HEXIM2: variants seen among roughly 807,000 people sequenced by gnomAD.
HEXIM2 encodes protein HEXIM2.
For synonymous variants in HEXIM2, 159 were observed against 162.7 expected (o/e 0.98, Z 0.17); for missense variants, 413 against 390.8 (o/e 1.06, Z -0.48).
upstream of HEXIM2, among the ~76,000 whole-genome samples, chr17:45,160,273 T>C (rs2042652996): frequency 6.6e-6 from 1 of 152,194 alleles, no homozygotes; most frequent in African/African-American, 2.4e-5. Context: ...ATGAAGTAGA[T>C]AAAAACTGGT....
At chr17:45,162,137 G>A (rs1164173253) in intron 1 of HEXIM2, 106 bp downstream of exon 1, 1 of 449,078 alleles carries the variant, frequency 2.2e-6, no homozygotes, top group Non-Finnish European at 2.9e-6. Flanking sequence ...GTAGTGCAAA[G>A]ACCTCTTTCC....
At position 45,162,469 on chromosome 17, in the gene HEXIM2, G is replaced by A. The variant is rs2042725443; in HGVS notation, c.-192-19G>A. The A allele has an allele frequency of 1.8e-6, 2 of 1,103,964 alleles. No homozygotes were observed. The highest frequency in any genetic ancestry group is 1.6e-5 in the African/African-American group (1 of 61,214). The allele number at this position is 1,103,964 out of a possible 1,614,324, so 68.4% of individuals were successfully genotyped here. A position where few individuals can be genotyped will look rare whatever the true frequency, so the allele number is the denominator to read the frequency against. ...CACCTGGCTTCCTGGCTGCCAACCT[G>A]GGCCTCGGTGACTTCCAGGAGGACA... On this transcript the variant is annotated intron_variant, in intron 1 of 3. Coordinates refer to ENST00000589230, the MANE Select transcript of HEXIM2 (RefSeq NM_001303441.2).
intron 3 of HEXIM2, among the ~76,000 whole-genome samples, chr17:45,167,024 C>CAAAAA (rs58258565): frequency 0.27 from 18,106 of 67,396 alleles, 2,537 homozygotes; most frequent in East Asian, 0.44. Context: ...GACTCTGTCT[C>CAAAAA]AAAAAAAAAA....
chr17:45,164,247 C>G (rs1047252347), intron 3 of HEXIM2, among the ~76,000 whole-genome samples: 4 of 151,088 alleles, frequency 2.6e-5, no homozygotes, highest in African/African-American at 9.7e-5. Flanking sequence ...CCTGAGGTCA[C>G]GAGTTCGAGA....
intron 3 of HEXIM2, among the ~76,000 whole-genome samples, chr17:45,168,494 GT>G (rs555871110): frequency 9.5e-4 from 135 of 142,428 alleles, no homozygotes; most frequent in East Asian, 1.4e-3. Context: ...ATAAAATAAG[GT>G]TTTTTTTTTT....
Position 45,169,459 on chromosome 17 carries a change from G to T in HEXIM2, c.511G>T (p.Gly171Trp). 1 of 1,613,846 alleles carries T rather than the reference G, an allele frequency of 6.2e-7. No homozygotes were observed. Among genetic ancestry groups the T allele is most frequent in the Non-Finnish European group, 8.5e-7 (1 of 1,179,994 alleles). The change falls in exon 4 of 4, where the codon GGG (glycine) becomes TGG (tryptophan). Residue 171 changes from glycine to tryptophan, a missense_variant. Coordinates refer to ENST00000589230, the MANE Select transcript of HEXIM2 (RefSeq NM_001303441.2). Reference protein sequence around the residue: ...PHGISHPGSSGESEAGDSDGR... With the variant: ...PHGISHPGSSWESEAGDSDGR... ...TGGGATCTCCCACCCAGGTTCCAGT[G>T]GGGAGAGTGAGGCCGGGGACAGTGA...
chr17:45,162,436 A>G, intron 1 of HEXIM2, 52 bp from the exon 2 acceptor site: 27 of 1,090,820 alleles, frequency 2.5e-5, no homozygotes, highest in Non-Finnish European at 3.0e-5. Context: ...TTGGGGAAAC[A>G]AAACTTACAC....
At chr17:45,165,625 T>A (rs2144064106) in intron 3 of HEXIM2, among the ~76,000 whole-genome samples, 1 of 152,258 alleles carries the variant, frequency 6.6e-6, no homozygotes, top group African/African-American at 2.4e-5. Context: ...AGATAAGTTC[T>A]GGAACTCTCT....
Position 45,169,705 on chromosome 17 carries a change from G to T in HEXIM2, c.757G>T (p.Ala253Ser), listed in dbSNP as rs1045858509. 3.5e-5 allele frequency: 54 copies of T among 1,529,274 alleles called. No homozygotes were observed. The highest frequency in any genetic ancestry group is 4.6e-5 in the Non-Finnish European group (52 of 1,135,756). 94.7% of individuals were successfully genotyped at this position (1,529,274 alleles called of 1,614,324 possible). Residue 253 changes from alanine (A) to serine (S), a missense_variant, in exon 4 of 4, where the codon GCT becomes TCT. Ala to Ser is a moderately conservative substitution (Grantham distance 99). Coordinates refer to ENST00000589230, the MANE Select transcript of HEXIM2 (RefSeq NM_001303441.2). ...QQSCRQVEEL[A>S]AEVQRLRTEN... Reference sequence around the variant, plus strand: ...GTCCTGCCGCCAGGTGGAGGAGCTGGCTGCCGAGGTCCAGAGGCTCCGGAC... The same window carrying T: ...GTCCTGCCGCCAGGTGGAGGAGCTGTCTGCCGAGGTCCAGAGGCTCCGGAC...
chr17:45,165,096 C>T (rs1260277484), intron 3 of HEXIM2, among the ~76,000 whole-genome samples: 1 of 152,156 alleles, frequency 6.6e-6, no homozygotes, highest in Non-Finnish European at 1.5e-5. Context: ...GAGCATGTGA[C>T]TGATTGTGCA....
chr17:45,168,975 G>C, intron 3 of HEXIM2, 40 bp from the exon 4 acceptor site: 2 of 1,545,368 alleles, frequency 1.3e-6, no homozygotes, highest in Non-Finnish European at 1.8e-6. Flanking sequence ...TCCAAGGACA[G>C]GCTGTCTGAT....
chr17:45,165,179 T>C (rs908896253), intron 3 of HEXIM2, among the ~76,000 whole-genome samples: 2 of 152,186 alleles, frequency 1.3e-5, no homozygotes, highest in African/African-American at 4.8e-5. Context: ...CTCTGTCTTA[T>C]TTGGCCCAAG....
In HEXIM2 at chr17:45,167,044, G is replaced by A. The variant is rs1268190767; in HGVS notation, c.67-1971G>A. Among the ~76,000 whole-genome samples the A allele has an allele frequency of 1.8e-3, 109 of 62,016 alleles. 1 individual carries two copies. The highest frequency in any genetic ancestry group is 4.3e-3 in the African/African-American group (55 of 12,762). 40.7% of individuals were successfully genotyped at this position (62,016 alleles called of 152,430 possible). On this transcript the variant is annotated intron_variant, in intron 3 of 3. Transcript: ENST00000589230. ...TGTCTCAAAAAAAAAAAAAAAAAAA[G>A]CCCAGGTGCAGTGGCTCATGCCTAT...
rs543432373 is a variant in HEXIM2 at position 45,169,125 on chromosome 17, T to C, written c.177T>C (p.Ala59=). The change falls in exon 4 of 4, where the codon GCT becomes GCC. Residue 59 remains alanine (A), a synonymous_variant. Coordinates refer to ENST00000589230, the MANE Select transcript of HEXIM2 (RefSeq NM_001303441.2). Reference sequence around the variant, plus strand: ...GCCACTCAGAGGATGAAGATCTTGCTGGGGCTGTCGGTGGCCTGGGCTGGA... The same window carrying C: ...GCCACTCAGAGGATGAAGATCTTGCCGGGGCTGTCGGTGGCCTGGGCTGGA... ...MESHSEDEDL[A]GAVGGLGWNS... The C allele has an allele frequency of 1.2e-6, 2 of 1,613,986 alleles. No homozygotes were observed. Among genetic ancestry groups the C allele is most frequent in the East Asian group, 4.5e-5 (2 of 44,878 alleles).
At chr17:45,161,551 TC>T, upstream of HEXIM2, 1 of 161,244 alleles carries the variant, frequency 6.2e-6, no homozygotes, top group South Asian at 1.5e-4. Context: ...AGGCCAAGGA[TC>T]CCTCCGCGCC....
chr17:45,160,239 C>T (rs1268013242), upstream of HEXIM2, among the ~76,000 whole-genome samples: 2 of 152,128 alleles, frequency 1.3e-5, no homozygotes, highest in African/African-American at 4.8e-5. Flanking sequence ...AAGCAGGTCT[C>T]CTCATCTCTT....
At chr17:45,165,439 C>T (rs935657964) in intron 3 of HEXIM2, among the ~76,000 whole-genome samples, 11 of 152,176 alleles carry the variant, frequency 7.2e-5, no homozygotes, top group African/African-American at 2.4e-4. Context: ...CTCTGAACTG[C>T]GTTGCATATT....
At position 45,169,437 on chromosome 17, in the gene HEXIM2, G is replaced by A. The variant is rs1302441551; in HGVS notation, c.489G>A (p.Gly163=). ...PEEPNLDVPH[G]ISHPGSSGES... ...AGCCCAACTTGGATGTGCCCCATGG[G>A]ATCTCCCACCCAGGTTCCAGTGGGG... The change falls in exon 4 of 4, where the codon GGG becomes GGA. Residue 163 remains glycine, a synonymous_variant. Coordinates refer to ENST00000589230, the MANE Select transcript of HEXIM2 (RefSeq NM_001303441.2). 5 of 1,613,850 alleles carry A rather than the reference G, an allele frequency of 3.1e-6. No homozygotes were observed. The East Asian group carries it at 6.7e-5, about 22-fold the overall frequency.
chr17:45,160,392 CTGACTT>C (rs374223506), upstream of HEXIM2, among the ~76,000 whole-genome samples: 166 of 152,098 alleles, frequency 1.1e-3, 4 homozygotes, highest in African/African-American at 3.9e-3. Flanking sequence ...ACAAAATACT[CTGACTT>C]TGTTTAGTCT....
Sources: gnomAD v4.1 joint callset for allele counts (sites outside exome capture counted in the v4.1 genomes callset) on GRCh38, gnomAD v4.1.1 for gene constraint, MANE v1.5 for transcripts, NCBI Gene and HGNC (gene_info 2026-07-23, HGNC 2026-07-21) for gene names.